The following SLC12A1 variants were observed in gnomAD, a reference collection of about 807,000 sequenced individuals.
SLC12A1 encodes Na-K-2Cl cotransporter.
A neutral mutation model predicts 130.4 loss-of-function variants in SLC12A1; 89 were observed. That is an observed-to-expected ratio of 0.68 (90% CI 0.58 to 0.81). The LOEUF is 0.81. SLC12A1 is among the 40% of genes least tolerant of loss of function. The pLI is 0.00. For synonymous variants in SLC12A1, 499 were observed against 460.0 expected (o/e 1.08, Z -1.09); for missense variants, 1,310 against 1,336.4 (o/e 0.98, Z 0.31).
intron 4 of SLC12A1, chr15:48,226,254 T>C (rs549067840): frequency 1.7e-4 from 79 of 471,434 alleles, no homozygotes; most frequent in African/African-American, 1.6e-3. Flanking sequence ...GTCTGCACTT[T>C]CGATTGTGTT....
At chr15:48,259,762 G>A (rs2041749330) in intron 17 of SLC12A1, among the ~76,000 whole-genome samples, 1 of 152,136 alleles carries the variant, frequency 6.6e-6, no homozygotes, top group Non-Finnish European at 1.5e-5. Flanking sequence ...TAAGTTTGAT[G>A]ACATTGCAGA....
At chr15:48,277,737 CT>C (rs1461015340) in intron 20 of SLC12A1, among the ~76,000 whole-genome samples, 7 of 152,148 alleles carry the variant, frequency 4.6e-5, no homozygotes, top group Non-Finnish European at 8.8e-5. Context: ...GATTCATACT[CT>C]ATTTGCTGGT....
intron 21 of SLC12A1, among the ~76,000 whole-genome samples, chr15:48,287,507 A>G (rs7179535): frequency 0.28 from 42,028 of 152,042 alleles, 6,726 homozygotes; most frequent in African/African-American, 0.43. Flanking sequence ...AGATGCACAC[A>G]GTCCCTGGCA....
chr15:48,256,033 T>C (rs756231914), intron 16 of SLC12A1, 123 bp downstream of exon 16: 2 of 682,436 alleles, frequency 2.9e-6, no homozygotes, highest in Non-Finnish European at 2.6e-6. Flanking sequence ...TAAGCAGTCA[T>C]ACAAAACTGC....
chr15:48,242,261 T>C (rs865980912), intron 10 of SLC12A1, among the ~76,000 whole-genome samples: 6 of 152,152 alleles, frequency 3.9e-5, no homozygotes, highest in South Asian at 4.1e-4. Flanking sequence ...ACTTTTTCCA[T>C]AGTAGGAAAG....
chr15:48,276,017 G>T (rs1270786439), intron 20 of SLC12A1, among the ~76,000 whole-genome samples: 1 of 152,176 alleles, frequency 6.6e-6, no homozygotes, highest in African/African-American at 2.4e-5. Flanking sequence ...AACTAGGGCA[G>T]CCTCAGTAGG....
At chr15:48,242,869 A>AT (rs574319949) in intron 10 of SLC12A1, among the ~76,000 whole-genome samples, 51 of 152,122 alleles carry the variant, frequency 3.4e-4, no homozygotes, top group African/African-American at 1.0e-3. Context: ...ATGTAAAGAG[A>AT]TTTTTTTTGT....
chr15:48,225,426 T>A (rs1323794562), intron 4 of SLC12A1: 1 of 152,188 alleles, frequency 6.6e-6, no homozygotes, highest in Non-Finnish European at 1.5e-5. Context: ...TGTCTATAAC[T>A]TCTCCAAAGA....
At chr15:48,268,429 T>G (rs893757499) in intron 18 of SLC12A1, among the ~76,000 whole-genome samples, 1 of 152,072 alleles carries the variant, frequency 6.6e-6, no homozygotes, top group Non-Finnish European at 1.5e-5. Flanking sequence ...AAAACCCTAA[T>G]TATATATATA....
chr15:48,286,942 C>T (rs1456747104), intron 21 of SLC12A1, among the ~76,000 whole-genome samples: 1 of 152,186 alleles, frequency 6.6e-6, no homozygotes, highest in Non-Finnish European at 1.5e-5. Flanking sequence ...TTTTCTCCCT[C>T]AGCGGTCCCA....
chr15:48,213,242 C>G (rs2041076437), intron 2 of SLC12A1, among the ~76,000 whole-genome samples: 1 of 152,136 alleles, frequency 6.6e-6, no homozygotes, highest in South Asian at 2.1e-4. Flanking sequence ...TTCATTAACT[C>G]ATTCAACAGC....
chr15:48,289,114 C>A (rs2042090963), intron 23 of SLC12A1, among the ~76,000 whole-genome samples: 1 of 151,260 alleles, frequency 6.6e-6, no homozygotes, highest in Admixed American at 6.6e-5. Flanking sequence ...AAAAATCCCA[C>A]AGTGTAAGTC....
At chr15:48,242,333 TC>T (rs1459640760) in intron 10 of SLC12A1, among the ~76,000 whole-genome samples, 1 of 152,178 alleles carries the variant, frequency 6.6e-6, no homozygotes, top group Non-Finnish European at 1.5e-5. Context: ...GGAAAACAGC[TC>T]CAGGCTGGAC....
At chr15:48,255,362 C>T (rs1039052582) in intron 15 of SLC12A1, among the ~76,000 whole-genome samples, 8 of 150,760 alleles carry the variant, frequency 5.3e-5, no homozygotes, top group African/African-American at 1.7e-4. Flanking sequence ...CTCTTGAACC[C>T]GGGAGGTGGA....
chr15:48,209,124 C>G (rs531195784), intron 2 of SLC12A1, among the ~76,000 whole-genome samples: 1 of 152,096 alleles, frequency 6.6e-6, no homozygotes, highest in Admixed American at 6.5e-5. Flanking sequence ...TGCAATGGTG[C>G]GATCTCGGCT....
chr15:48,207,817 G>C lies in SLC12A1; in HGVS notation c.98G>C (p.Ser33Thr). Residue 33 changes from serine to threonine, a missense_variant, in exon 2 of 27, where the codon AGT becomes ACT. Ser to Thr is a moderately conservative substitution (Grantham distance 58). Transcript: ENST00000380993. Reference protein sequence around the residue: ...VSVINENHESSAAADDNTDPP... With the variant: ...VSVINENHESTAAADDNTDPP... ...GTCATAAATGAGAACCATGAGAGCA[G>C]TGCAGCTGCAGATGACAATACTGAC... 6.2e-7 allele frequency: 1 copy of C among 1,613,988 alleles called. No individual in the cohort carries two copies. Among genetic ancestry groups the C allele is most frequent in the Non-Finnish European group, 8.5e-7 (1 of 1,179,882 alleles).
intron 24 of SLC12A1, among the ~76,000 whole-genome samples, chr15:48,294,347 C>CAAAAAAA (rs1202623612): frequency 2.2e-5 from 1 of 46,370 alleles, no homozygotes. Flanking sequence ...GACTACATCT[C>CAAAAAAA]AAAAAAAAAA....
At chr15:48,240,333 C>T (rs894990139) in intron 9 of SLC12A1, among the ~76,000 whole-genome samples, 4 of 151,780 alleles carry the variant, frequency 2.6e-5, no homozygotes, top group Non-Finnish European at 5.9e-5. Context: ...ACCTGCCACA[C>T]TGACGACGAC....
At chr15:48,252,440 C>A (rs966802695) in intron 15 of SLC12A1, among the ~76,000 whole-genome samples, 4 of 152,150 alleles carry the variant, frequency 2.6e-5, no homozygotes, top group African/African-American at 9.7e-5. Context: ...ACATCACTTT[C>A]TGTTTCTGAT....
Sources: allele counts gnomAD v4.1 joint callset (sites outside exome capture counted in the v4.1 genomes callset), GRCh38; gene constraint gnomAD v4.1.1; transcripts MANE v1.5; gene names NCBI Gene and HGNC (gene_info 2026-07-23, HGNC 2026-07-21).